ZNF385D: variants seen among roughly 807,000 people sequenced by gnomAD.
ZNF385D encodes zinc finger protein 659.
A neutral mutation model predicts 35.8 loss-of-function variants in ZNF385D; 15 were observed. That is an observed-to-expected ratio of 0.42 (90% CI 0.28 to 0.64). The LOEUF (loss-of-function observed/expected upper bound fraction) is 0.64. ZNF385D is among the 30% of genes least tolerant of loss of function. The pLI is 0.23. For synonymous variants in ZNF385D, 212 were observed against 186.8 expected (o/e 1.13, Z -1.10); for missense variants, 474 against 494.6 (o/e 0.96, Z 0.39).
At position 21,541,362 on chromosome 3, in the gene ZNF385D, G is replaced by A. The variant is rs1411383887; in HGVS notation, c.276+23212C>T. On this transcript the variant is annotated intron_variant, in intron 3 of 7. Transcript: ENST00000281523. ...TACCTTCTGCTTAATACTACTGTGA[G>A]CCTCAAACTGCTCTAAAAATAAAGT... 2.0e-5 allele frequency among the ~76,000 whole-genome samples: 3 copies of A among 152,158 alleles called. No homozygotes were observed. The East Asian group carries it at 5.8e-4, about 29-fold the overall frequency.
At chr3:21,806,496 C>T (rs754647745) in intron 3 of ZNF385D, among the ~76,000 whole-genome samples, 15 of 151,980 alleles carry the variant, frequency 9.9e-5, no homozygotes, top group Admixed American at 7.9e-4. Flanking sequence ...TGAGCCACCG[C>T]GCCTGGCCAA....
chr3:22,009,124 T>C (rs150392022), intron 3 of ZNF385D, among the ~76,000 whole-genome samples: 3 of 152,292 alleles, frequency 2.0e-5, no homozygotes, highest in Admixed American at 6.5e-5. Context: ...ATCTAATTTA[T>C]TTAAAAACAC....
chr3:22,274,699 G>A (rs1370055714), intron 2 of ZNF385D, among the ~76,000 whole-genome samples: 1 of 151,020 alleles, frequency 6.6e-6, no homozygotes. Flanking sequence ...AGGTTTGAAT[G>A]AAACTCTCTG....
intron 3 of ZNF385D, among the ~76,000 whole-genome samples, chr3:22,008,003 T>A (rs576643780): frequency 6.6e-6 from 1 of 152,172 alleles, no homozygotes; most frequent in East Asian, 1.9e-4. Context: ...AGAACTTGTA[T>A]AGTTTCTTTC....
chr3:21,832,997 C>T (rs1338030450), intron 3 of ZNF385D, among the ~76,000 whole-genome samples: 1 of 152,094 alleles, frequency 6.6e-6, no homozygotes, highest in Non-Finnish European at 1.5e-5. Context: ...GCTCTTCACC[C>T]ACAGCTTCTT....
rs143651415 is a variant in ZNF385D, at chr3:22,088,819, C to T, written c.325+79998G>A. On this transcript the variant is annotated intron_variant, in intron 3 of 5. Transcript: ENST00000494108. The stretch of plus-strand genomic sequence containing the variant: ...TCAATAAGAATCCAGAAAACAGTGA[C>T]CAATGAGAATTGAGATTAATCCTTC... Among the ~76,000 whole-genome samples the T allele has an allele frequency of 5.5e-3, 836 of 152,198 alleles. 3 individuals are homozygous for T. Among genetic ancestry groups the T allele is most frequent in the South Asian group, 0.015 (74 of 4,824 alleles).
At chr3:21,880,957 ACT>A (rs1241367415) in intron 3 of ZNF385D, among the ~76,000 whole-genome samples, 2 of 152,014 alleles carry the variant, frequency 1.3e-5, no homozygotes, top group Non-Finnish European at 1.5e-5. Flanking sequence ...CAAAGCCCTA[ACT>A]CTGTTCAATT....
intron 3 of ZNF385D, among the ~76,000 whole-genome samples, chr3:21,992,961 T>C (rs956917292): frequency 6.6e-6 from 1 of 152,216 alleles, no homozygotes; most frequent in Non-Finnish European, 1.5e-5. Context: ...GTACAAATCG[T>C]CAAATCACCC....
intron 4 of ZNF385D, among the ~76,000 whole-genome samples, chr3:21,486,640 C>T (rs370674287): frequency 7.8e-4 from 118 of 152,158 alleles, no homozygotes; most frequent in African/African-American, 2.6e-3. Context: ...CAGGAAAGTT[C>T]AAATGTAAAA....
At chr3:21,969,004 C>G (rs1317899459) in intron 3 of ZNF385D, among the ~76,000 whole-genome samples, 1 of 152,122 alleles carries the variant, frequency 6.6e-6, no homozygotes, top group African/African-American at 2.4e-5. Flanking sequence ...CTGAGAGACA[C>G]AGATCTGGCA....
At chr3:22,028,270 T>C (rs759561776) in intron 3 of ZNF385D, among the ~76,000 whole-genome samples, 8 of 152,266 alleles carry the variant, frequency 5.3e-5, no homozygotes, top group South Asian at 2.1e-4. Flanking sequence ...ATCAAGTAGA[T>C]AGAATGACCT....
At chr3:22,283,738 G>C (rs1488978461) in intron 2 of ZNF385D, among the ~76,000 whole-genome samples, 1 of 152,154 alleles carries the variant, frequency 6.6e-6, no homozygotes, top group Non-Finnish European at 1.5e-5. Context: ...GATGTGCTCA[G>C]TCTGTTCCCT....
intron 3 of ZNF385D, among the ~76,000 whole-genome samples, chr3:21,802,113 C>G (rs1202329481): frequency 6.6e-6 from 1 of 152,030 alleles, no homozygotes; most frequent in Non-Finnish European, 1.5e-5. Context: ...CTATACATTT[C>G]CATAAAGATG....
intron 3 of ZNF385D, among the ~76,000 whole-genome samples, chr3:21,865,673 G>C (rs1355527297): frequency 6.6e-6 from 1 of 152,124 alleles, no homozygotes; most frequent in African/African-American, 2.4e-5. Context: ...TGATCTTATA[G>C]TTTGAGGAAC....
At position 21,915,602 on chromosome 3, in the gene ZNF385D, G is replaced by C. The variant is rs557952389; in HGVS notation, c.326-250574C>G. Among the ~76,000 whole-genome samples the C allele has an allele frequency of 1.8e-4, 28 of 151,988 alleles. 2 individuals carry two copies. In the South Asian group the frequency reaches 5.6e-3, roughly 30 times the overall value. On this transcript the variant is annotated intron_variant, in intron 3 of 5. Transcript: ENST00000494108. ...TAAAGCATCTGGTTCATTCAAGAGAGCTTGAACTACCCCTTACCACCCCCA... is the reference window on the plus strand; with the variant it reads ...TAAAGCATCTGGTTCATTCAAGAGACCTTGAACTACCCCTTACCACCCCCA...
chr3:21,908,156 A>C (rs551275881), intron 3 of ZNF385D, among the ~76,000 whole-genome samples: 1 of 149,748 alleles, frequency 6.7e-6, no homozygotes, highest in South Asian at 2.1e-4. Context: ...CTATCTATCT[A>C]TCTATCTATC....
chr3:21,554,615 G>T (rs2062671863), intron 3 of ZNF385D, among the ~76,000 whole-genome samples: 1 of 152,132 alleles, frequency 6.6e-6, no homozygotes, highest in African/African-American at 2.4e-5. Flanking sequence ...CTCTAGCTAG[G>T]TAAGTCCTAG....
intron 3 of ZNF385D, among the ~76,000 whole-genome samples, chr3:21,560,932 C>CTTTG (rs969351041): frequency 9.2e-5 from 14 of 152,264 alleles, no homozygotes; most frequent in African/African-American, 3.4e-4. Flanking sequence ...TTCCTGGTGG[C>CTTTG]TTTGTTTACA....
rs1700551073 is a variant in ZNF385D, at chr3:21,415,538, T to C, written c.*5676A>G. 6.6e-6 allele frequency: 1 copy of C among 152,128 alleles called. No homozygotes were observed. The highest frequency in any genetic ancestry group is 1.5e-5 in the Non-Finnish European group (1 of 68,004). The allele number at this position is 152,128 out of a possible 1,614,324, so 9.4% of individuals were successfully genotyped here. On this transcript the variant is annotated 3_prime_UTR_variant, in exon 8 of 8. Transcript: ENST00000281523. ...CTAATCATTGAAAATAAAATGATTT[T>C]ACCATGGCTTTGTAAAAGAATGACA...
Sources: gnomAD v4.1 joint callset for allele counts (sites outside exome capture counted in the v4.1 genomes callset) on GRCh38, gnomAD v4.1.1 for gene constraint, MANE v1.5 for transcripts, NCBI Gene and HGNC (gene_info 2026-07-23, HGNC 2026-07-21) for gene names.